OPCML: variants seen among roughly 807,000 people sequenced by gnomAD.
OPCML encodes the protein opioid binding protein/cell adhesion molecule like, also known as opioid-binding protein/cell adhesion molecule.
In OPCML, 13 loss-of-function variants were observed where a neutral mutation model predicts 37.8. That is an observed-to-expected ratio of 0.34 (90% CI 0.22 to 0.55). OPCML has a LOEUF of 0.55. Among genes scored for constraint, OPCML ranks in the 20% least tolerant of loss-of-function variants. OPCML has a pLI of 0.91. For synonymous variants in OPCML, 176 were observed against 168.8 expected (o/e 1.04, Z -0.33); for missense variants, 341 against 435.6 (o/e 0.78, Z 1.93).
chr11:133,293,167 A>G lies in OPCML; in HGVS notation c.61+239097T>C, dbSNP rs76998918. Among the ~76,000 whole-genome samples, 644 of 152,252 alleles carry G rather than the reference A, an allele frequency of 4.2e-3. 17 individuals carry two copies. In the East Asian group the frequency reaches 0.065, roughly 15 times the overall value. The stretch of plus-strand genomic sequence containing the variant: ...GGTAGAATTTTTGGACAAGAAGAAG[A>G]GACACGGGATGGACTGCAGAGCCTG... On this transcript the variant is annotated intron_variant, in intron 1 of 7. Coordinates refer to ENST00000524381, the MANE Select transcript of OPCML (RefSeq NM_001012393.5).
chr11:132,909,669 C>T (rs1447546541), intron 2 of OPCML, among the ~76,000 whole-genome samples: 2 of 152,232 alleles, frequency 1.3e-5, no homozygotes, highest in East Asian at 1.9e-4. Context: ...CAGCCTGTCA[C>T]ATCAGTGTCG....
chr11:133,262,457 G>A (rs1941523389), intron 1 of OPCML, among the ~76,000 whole-genome samples: 1 of 152,188 alleles, frequency 6.6e-6, no homozygotes, highest in Admixed American at 6.5e-5. Context: ...CCATCTAACA[G>A]GCATTCCTTT....
intron 3 of OPCML, among the ~76,000 whole-genome samples, chr11:132,619,126 C>T (rs893551047): frequency 1.3e-5 from 2 of 152,124 alleles, no homozygotes; most frequent in African/African-American, 4.8e-5. Context: ...AACACCTCCC[C>T]TCCAGGTTCG....
intron 4 of OPCML, among the ~76,000 whole-genome samples, chr11:132,513,215 G>A (rs574429513): frequency 6.6e-6 from 1 of 152,176 alleles, no homozygotes; most frequent in African/African-American, 2.4e-5. Flanking sequence ...TATGGAAAGA[G>A]GAAAGCAGAT....
At chr11:133,269,511 T>A (rs1020781678) in intron 1 of OPCML, among the ~76,000 whole-genome samples, 1 of 152,226 alleles carries the variant, frequency 6.6e-6, no homozygotes, top group Non-Finnish European at 1.5e-5. Flanking sequence ...CACATTGACA[T>A]AGACTGAACT....
In OPCML at chr11:132,964,983, C is replaced by G. The variant is rs145440702; in HGVS notation, c.62-21973G>C. ...TATTGCAACACACTGTATTTTGCAT[C>G]TTGTTTCCTCAGAGATGTTATTCTT... On this transcript the variant is annotated intron_variant, in intron 1 of 7. Coordinates refer to ENST00000524381, the MANE Select transcript of OPCML (RefSeq NM_001012393.5). Among the ~76,000 whole-genome samples the G allele has an allele frequency of 1.8e-3, 280 of 152,294 alleles. 1 individual carries two copies. Among genetic ancestry groups the G allele is most frequent in the African/African-American group, 6.1e-3 (255 of 41,564 alleles).
intron 1 of OPCML, among the ~76,000 whole-genome samples, chr11:133,503,166 G>C (rs1460684764): frequency 1.3e-5 from 2 of 152,184 alleles, no homozygotes; most frequent in Non-Finnish European, 1.5e-5. Context: ...AGAAAAATGT[G>C]CTGGCCTAGA....
intron 3 of OPCML, among the ~76,000 whole-genome samples, chr11:132,544,778 C>T (rs1430577168): frequency 1.3e-5 from 2 of 152,150 alleles, no homozygotes; most frequent in African/African-American, 4.8e-5. Context: ...CAAGCTGGGT[C>T]GTCATTTCCC....
chr11:133,320,110 G>A (rs1346415568), intron 1 of OPCML, among the ~76,000 whole-genome samples: 6 of 152,096 alleles, frequency 3.9e-5, no homozygotes, highest in Admixed American at 2.6e-4. Flanking sequence ...CATTTCACCC[G>A]TTATTTTAGA....
In OPCML at chr11:132,435,095, G is replaced by C. The variant is rs1456002813; in HGVS notation, c.916+991C>G. ...AGCAGGCAAGCCTATCTTTGAAGTA[G>C]GCTAAAACTCAAAGGCATAGGCATT... On this transcript the variant is annotated intron_variant, in intron 7 of 7. Coordinates refer to ENST00000524381, the MANE Select transcript of OPCML (RefSeq NM_001012393.5). 1.3e-5 allele frequency: 12 copies of C among 935,198 alleles called. 1 individual carries two copies. Among genetic ancestry groups the C allele is most frequent in the Non-Finnish European group, 1.8e-5 (12 of 665,448 alleles). 57.9% of individuals were successfully genotyped at this position (935,198 alleles called of 1,614,324 possible). A position where few individuals can be genotyped will look rare whatever the true frequency, so the allele number is the denominator to read the frequency against.
intron 2 of OPCML, among the ~76,000 whole-genome samples, chr11:132,906,557 T>C (rs757387947): frequency 6.6e-6 from 1 of 152,160 alleles, no homozygotes; most frequent in Admixed American, 6.5e-5. Flanking sequence ...ATTAGGGTCG[T>C]TTACCATTCA....
intron 1 of OPCML, among the ~76,000 whole-genome samples, chr11:133,282,956 C>A (rs897764146): frequency 1.3e-5 from 2 of 152,140 alleles, no homozygotes; most frequent in African/African-American, 4.8e-5. Context: ...TTACCCAATG[C>A]CTATATCATC....
intron 1 of OPCML, chr11:133,006,423 G>A: frequency 1.0e-6 from 1 of 985,050 alleles, no homozygotes; most frequent in Non-Finnish European, 1.2e-6. Flanking sequence ...CTGAAAAAAA[G>A]TCCTGCAACA....
intron 1 of OPCML, among the ~76,000 whole-genome samples, chr11:133,344,378 C>T (rs1485860692): frequency 6.6e-6 from 1 of 152,216 alleles, no homozygotes. Flanking sequence ...CCTTAACCTA[C>T]TCTTGGCTAC....
At chr11:133,465,867 CT>C (rs1195592265) in intron 1 of OPCML, among the ~76,000 whole-genome samples, 1 of 152,190 alleles carries the variant, frequency 6.6e-6, no homozygotes, top group Non-Finnish European at 1.5e-5. Flanking sequence ...GTCATAGTCA[CT>C]TTTTGTCTTA....
rs61912372 is a variant in OPCML, at chr11:133,266,144, A to C, written c.61+266120T>G. Among the ~76,000 whole-genome samples, 552 of 152,332 alleles carry C rather than the reference A, an allele frequency of 3.6e-3. 3 individuals are homozygous for C. The highest frequency in any genetic ancestry group is 5.4e-3 in the Non-Finnish European group (369 of 68,032). On this transcript the variant is annotated intron_variant, in intron 1 of 7. Transcript: ENST00000524381. ...AAAACAAACAAACCTGTTTTGTTAA[A>C]GAAATACACAAGGCAATATAAGTCT...
chr11:133,525,938 G>A (rs1174694749), intron 1 of OPCML, among the ~76,000 whole-genome samples: 1 of 152,194 alleles, frequency 6.6e-6, no homozygotes, highest in African/African-American at 2.4e-5. Flanking sequence ...TCATTAACGA[G>A]AATGCGCCTG....
intron 1 of OPCML, among the ~76,000 whole-genome samples, chr11:133,257,118 T>C (rs969198532): frequency 2.0e-5 from 3 of 152,184 alleles, no homozygotes; most frequent in Non-Finnish European, 2.9e-5. Flanking sequence ...CCTACCTCGG[T>C]CCACTCCAGA....
chr11:133,096,839 G>A (rs781682502), intron 1 of OPCML, among the ~76,000 whole-genome samples: 2 of 152,024 alleles, frequency 1.3e-5, no homozygotes, highest in South Asian at 2.1e-4. Context: ...ATTCCAAGAC[G>A]ACACAGCAAT....
Sources: gnomAD v4.1 joint callset for allele counts (sites outside exome capture counted in the v4.1 genomes callset) on GRCh38, gnomAD v4.1.1 for gene constraint, MANE v1.5 for transcripts, NCBI Gene and HGNC (gene_info 2026-07-23, HGNC 2026-07-21) for gene names.